CIB4: variants seen among roughly 807,000 people sequenced by gnomAD.
CIB4 encodes calcium and integrin binding family member 4.
In CIB4, 25 loss-of-function variants were observed where a neutral mutation model predicts 25.8. That is an observed-to-expected ratio of 0.97 (90% CI 0.71 to 1.35). The LOEUF is 1.35. Ranked by LOEUF, CIB4 falls within the 40% of genes most tolerant of loss-of-function variation. CIB4 has a pLI of 0.00. For missense variants in CIB4, 235 were observed against 228.2 expected, an observed-to-expected ratio of 1.03 and a Z score of -0.19; for synonymous variants, 75 against 81.4, an observed-to-expected ratio of 0.92 and a Z score of 0.42.
intron 2 of CIB4, among the ~76,000 whole-genome samples, chr2:26,630,968 T>G (rs1429745766): frequency 6.6e-6 from 1 of 152,024 alleles, no homozygotes; most frequent in East Asian, 1.9e-4. Flanking sequence ...CTCTTCATGG[T>G]CCCCTCCATG....
chr2:26,592,251 C>T (rs1668598630), intron 4 of CIB4, among the ~76,000 whole-genome samples: 1 of 152,230 alleles, frequency 6.6e-6, no homozygotes, highest in African/African-American at 2.4e-5. Flanking sequence ...AGCCAGAGAG[C>T]ACTGATGGGG....
intron 3 of CIB4, among the ~76,000 whole-genome samples, chr2:26,607,087 T>C (rs927297266): frequency 3.3e-5 from 5 of 152,196 alleles, no homozygotes; most frequent in African/African-American, 4.8e-5. Context: ...CTGCCCTAAC[T>C]ACCTCTCCTA....
At chr2:26,592,248 G>A (rs1377781318) in intron 4 of CIB4, among the ~76,000 whole-genome samples, 1 of 152,240 alleles carries the variant, frequency 6.6e-6, no homozygotes, top group African/African-American at 2.4e-5. Flanking sequence ...CCCAGCCAGA[G>A]AGCACTGATG....
At position 26,627,392 on chromosome 2, in the gene CIB4, C is replaced by T. The variant is rs1669330264; in HGVS notation, c.186+2018G>A. On this transcript the variant is annotated intron_variant, in intron 3 of 6. Transcript: ENST00000288861. This position sits in a 1 kb window ranked among gnomAD's most constrained non-coding sequence, Gnocchi z 4.0. ...TGAGGAGCATTTGACAGTGACTAGA[C>T]TGGGTGGTCTCTAAGTTTCTTTCCA... Among the ~76,000 whole-genome samples the T allele has an allele frequency of 6.6e-6, 1 of 152,212 alleles. No homozygotes were observed. Among genetic ancestry groups the T allele is most frequent in the Non-Finnish European group, 1.5e-5 (1 of 68,046 alleles).
At chr2:26,633,077 C>G (rs888809153) in intron 2 of CIB4, among the ~76,000 whole-genome samples, 1 of 152,134 alleles carries the variant, frequency 6.6e-6, no homozygotes, top group African/African-American at 2.4e-5. Context: ...ACCATTGTTT[C>G]TTTTACAGAT....
chr2:26,589,498 T>C (rs939613430), intron 4 of CIB4, among the ~76,000 whole-genome samples: 1 of 152,092 alleles, frequency 6.6e-6, no homozygotes, highest in Admixed American at 6.5e-5. Context: ...GTTTTTGTAT[T>C]TTTAGTAGAG....
chr2:26,593,060 G>A (rs1460452890), intron 4 of CIB4, among the ~76,000 whole-genome samples: 1 of 152,168 alleles, frequency 6.6e-6, no homozygotes, highest in East Asian at 1.9e-4. Flanking sequence ...TCCATCCATG[G>A]AGGGTCCAAC....
At chr2:26,601,234 ATATATATATAT>A (rs1558561098) in intron 3 of CIB4, among the ~76,000 whole-genome samples, 625 of 8,818 alleles carry the variant, frequency 0.071, 53 homozygotes, top group South Asian at 0.14. Context: ...AAAAAAAAAT[ATATATATATAT>A]ATATATATAT....
chr2:26,615,115 G>A (rs1669066743), intron 3 of CIB4, among the ~76,000 whole-genome samples: 1 of 152,186 alleles, frequency 6.6e-6, no homozygotes, highest in Non-Finnish European at 1.5e-5. Flanking sequence ...GACTGAGGGA[G>A]GTCACTCAGG....
At chr2:26,634,650 C>T (rs1160689233) in intron 2 of CIB4, among the ~76,000 whole-genome samples, 1 of 152,254 alleles carries the variant, frequency 6.6e-6, no homozygotes, top group East Asian at 1.9e-4. Context: ...AGTGGCAGAG[C>T]TGAGCCTCAA....
chr2:26,638,264 C>T (rs913060561), intron 2 of CIB4, among the ~76,000 whole-genome samples: 5 of 152,194 alleles, frequency 3.3e-5, no homozygotes, highest in African/African-American at 9.7e-5. Context: ...GTGCTCTTCT[C>T]CGGGGAAAGG....
chr2:26,583,509 C>T (rs953153022), intron 5 of CIB4, among the ~76,000 whole-genome samples: 3 of 152,020 alleles, frequency 2.0e-5, no homozygotes, highest in Non-Finnish European at 2.9e-5. Context: ...GTGGGTGGGT[C>T]GGGCTCCGTG....
intron 2 of CIB4, among the ~76,000 whole-genome samples, chr2:26,634,737 G>A (rs1233334455): frequency 6.6e-6 from 1 of 152,214 alleles, no homozygotes; most frequent in Non-Finnish European, 1.5e-5. Flanking sequence ...TAATGGCCAG[G>A]ACAGGGCCAT....
intron 2 of CIB4, among the ~76,000 whole-genome samples, chr2:26,638,269 G>T (rs904413242): frequency 6.6e-5 from 10 of 152,218 alleles, no homozygotes; most frequent in African/African-American, 1.9e-4. Context: ...CTTCTCCGGG[G>T]AAAGGCACCT....
intron 3 of CIB4, among the ~76,000 whole-genome samples, chr2:26,607,914 C>T: frequency 6.6e-6 from 1 of 152,246 alleles, no homozygotes; most frequent in Non-Finnish European, 1.5e-5. Flanking sequence ...TGAATGTCAC[C>T]TCCACGTGAA....
chr2:26,589,969 T>G (rs1295160383), intron 4 of CIB4, among the ~76,000 whole-genome samples: 1 of 152,184 alleles, frequency 6.6e-6, no homozygotes, highest in Admixed American at 6.5e-5. Context: ...GGTCCCCGAC[T>G]GTTGGCAGAA....
chr2:26,618,565 A>C (rs897057087), intron 3 of CIB4, among the ~76,000 whole-genome samples: 10 of 152,124 alleles, frequency 6.6e-5, no homozygotes, highest in African/African-American at 2.4e-4. Context: ...CTCCTAAAGT[A>C]GTGGGATTGC....
At chr2:26,634,051 A>C (rs1260443903) in intron 2 of CIB4, among the ~76,000 whole-genome samples, 1 of 152,094 alleles carries the variant, frequency 6.6e-6, no homozygotes, top group African/African-American at 2.4e-5. Context: ...ACGGGGTCCC[A>C]CGTAAGAATC....
intron 3 of CIB4, among the ~76,000 whole-genome samples, chr2:26,609,608 A>T (rs933280134): frequency 2.0e-5 from 3 of 152,102 alleles, no homozygotes; most frequent in African/African-American, 7.2e-5. Flanking sequence ...GAACAGAAAG[A>T]TAGGGGAGGA....
Sources: allele counts gnomAD v4.1 joint callset (sites outside exome capture counted in the v4.1 genomes callset), GRCh38; gene constraint gnomAD v4.1.1; non-coding constraint Gnocchi (gnomAD v3.1); transcripts MANE v1.5; gene names NCBI Gene and HGNC (gene_info 2026-07-23, HGNC 2026-07-21).